THBS4: variants seen among roughly 807,000 people sequenced by gnomAD.
THBS4 encodes thrombospondin-4.
Under a neutral mutation model 115.7 loss-of-function variants are expected in THBS4, and 90 were observed. That is an observed-to-expected ratio of 0.78 (90% CI 0.66 to 0.93). THBS4 has a LOEUF of 0.93. Among genes scored for constraint, THBS4 ranks in the 40% least tolerant of loss-of-function variants. The probability of loss-of-function intolerance (pLI) is 0.00; values close to 1 mark genes in which losing one functional copy is unlikely to be tolerated. For synonymous variants in THBS4, 460 were observed against 479.3 expected (o/e 0.96, Z 0.53); for missense variants, 1,087 against 1,232.7 (o/e 0.88, Z 1.77).
intron 2 of THBS4, among the ~76,000 whole-genome samples, chr5:80,040,515 T>C (rs1832866208): frequency 6.6e-6 from 1 of 152,186 alleles, no homozygotes; most frequent in Admixed American, 6.5e-5. Flanking sequence ...GTGACCAAGA[T>C]GCTTTTTGAC....
chr5:80,004,886 C>G (rs1333291667), intron 2 of THBS4, among the ~76,000 whole-genome samples: 1 of 151,936 alleles, frequency 6.6e-6, no homozygotes, highest in African/African-American at 2.4e-5. Flanking sequence ...TACAGGCACC[C>G]ACCACCACAC....
At chr5:80,080,101 A>C in intron 20 of THBS4, 24 bp downstream of exon 20, 1 of 1,605,858 alleles carries the variant, frequency 6.2e-7, no homozygotes, top group Non-Finnish European at 8.5e-7. Flanking sequence ...CCATCTCCTT[A>C]CCTTGCTCTA....
intron 2 of THBS4, among the ~76,000 whole-genome samples, chr5:80,024,182 C>G (rs1366900258): frequency 6.6e-6 from 1 of 152,180 alleles, no homozygotes; most frequent in African/African-American, 2.4e-5. Context: ...AAACAGGTCC[C>G]ATTAGCATCT....
chr5:80,071,233 A>G (rs1165196079), intron 13 of THBS4, 53 bp downstream of exon 13: 1 of 1,534,106 alleles, frequency 6.5e-7, no homozygotes, highest in African/African-American at 1.4e-5. Context: ...ACCTTGTTCC[A>G]TTGTTCTCTG....
At chr5:79,995,942 C>T (rs1831782963) in intron 1 of THBS4, among the ~76,000 whole-genome samples, 1 of 150,168 alleles carries the variant, frequency 6.7e-6, no homozygotes, top group Non-Finnish European at 1.5e-5. Context: ...CCAGACCAGC[C>T]TGGCCAACAT....
intron 19 of THBS4, 80 bp from the exon 20 acceptor site, chr5:80,079,812 ATGACTATAACCTG>A (rs1223684568): frequency 1.2e-5 from 16 of 1,349,882 alleles, no homozygotes; most frequent in African/African-American, 2.9e-5. Context: ...GATTATAACC[ATGACTATAACCTG>A]GATCATCACT....
chr5:80,057,569 A>G (rs1833472556), intron 3 of THBS4, among the ~76,000 whole-genome samples: 1 of 152,248 alleles, frequency 6.6e-6, no homozygotes, highest in Non-Finnish European at 1.5e-5. Context: ...GCTCATTTCT[A>G]AAATAAGGAT....
chr5:80,078,829 C>A, intron 17 of THBS4, 92 bp from the exon 18 acceptor site: 1 of 1,166,904 alleles, frequency 8.6e-7, no homozygotes. Context: ...CATCACTGGC[C>A]ACTCACTCAT....
intron 21 of THBS4, 42 bp from the exon 22 acceptor site, chr5:80,083,038 G>A (rs757748386): frequency 1.3e-6 from 2 of 1,587,830 alleles, no homozygotes; most frequent in Middle Eastern, 1.7e-4. Flanking sequence ...GTCCGGGGTG[G>A]AAGGAGCCTC....
chr5:79,996,478 G>C (rs1379471283), intron 1 of THBS4, among the ~76,000 whole-genome samples: 1 of 152,152 alleles, frequency 6.6e-6, no homozygotes, highest in African/African-American at 2.4e-5. Flanking sequence ...GGTACCCTAG[G>C]AGTTGCCCCA....
chr5:80,076,894 C>T lies in THBS4; in HGVS notation c.1932C>T (p.Pro644=). ...DGHQDSTDNC[P]TVINSAQLDT... The stretch of plus-strand genomic sequence containing the variant: ...ACCAGGACAGCACAGACAACTGCCC[C>T]ACCGTCATTAACAGTGCCCAGCTGG... Residue 644 remains proline (P), a synonymous_variant, in exon 16 of 22, where the codon CCC becomes CCT. Coordinates refer to ENST00000350881, the MANE Select transcript of THBS4 (RefSeq NM_003248.6). The T allele has an allele frequency of 6.2e-7, 1 of 1,610,028 alleles. No homozygotes were observed. The highest frequency in any genetic ancestry group is 8.5e-7 in the Non-Finnish European group (1 of 1,177,712).
At chr5:80,027,787 A>T (rs1272394826) in intron 2 of THBS4, among the ~76,000 whole-genome samples, 4 of 149,262 alleles carry the variant, frequency 2.7e-5, no homozygotes, top group Non-Finnish European at 5.9e-5. Flanking sequence ...AATCCCAGCT[A>T]CTTGGGAGGC....
chr5:80,077,146 C>G, intron 16 of THBS4, 98 bp downstream of exon 16: 1 of 1,175,892 alleles, frequency 8.5e-7, no homozygotes, highest in Non-Finnish European at 1.2e-6. Flanking sequence ...TCAGAATATC[C>G]CCAGCTCCCA....
At position 80,079,967 on chromosome 5, in the gene THBS4, C is replaced by T; in HGVS notation, c.2574C>T (p.Asp858=). Residue 858 remains aspartate, a synonymous_variant, in exon 20 of 22, where the codon GAC becomes GAT. Coordinates refer to ENST00000350881, the MANE Select transcript of THBS4 (RefSeq NM_003248.6). The part of the protein sequence containing the change: ...HLRNSLWHTG[D]TSDQVRLLWK... ...GGAACTCCCTGTGGCACACGGGGGA[C>T]ACCAGTGACCAGGTCAGGCTGCTGT... 2.5e-6 allele frequency: 4 copies of T among 1,614,094 alleles called. No homozygotes were observed. Among genetic ancestry groups the T allele is most frequent in the Non-Finnish European group, 2.5e-6 (3 of 1,180,018 alleles).
chr5:80,071,236 G>A, intron 13 of THBS4, 56 bp downstream of exon 13: 2 of 1,530,422 alleles, frequency 1.3e-6, no homozygotes, highest in Non-Finnish European at 1.7e-6. Flanking sequence ...TTGTTCCATT[G>A]TTCTCTGAGA....
upstream of THBS4, among the ~76,000 whole-genome samples, chr5:80,032,213 T>C (rs1014283300): frequency 1.3e-5 from 2 of 152,218 alleles, no homozygotes; most frequent in African/African-American, 4.8e-5. Flanking sequence ...TCAAATTTAC[T>C]GTAGACCTGA....
intron 1 of THBS4, among the ~76,000 whole-genome samples, chr5:80,036,866 A>G (rs1832734669): frequency 6.6e-6 from 1 of 152,194 alleles, no homozygotes; most frequent in South Asian, 2.1e-4. Flanking sequence ...AAGACTGCCT[A>G]TGAGGGCGTT....
chr5:80,066,477 T>A lies in THBS4; in HGVS notation c.1194+1000T>A, dbSNP rs542129719. ...CATTAAGTCCAGGCATGGTGGAGCATGCCTATAGTCCCAGCTCCTCAGGAG... is the reference window on the plus strand; with the variant it reads ...CATTAAGTCCAGGCATGGTGGAGCAAGCCTATAGTCCCAGCTCCTCAGGAG... On this transcript the variant is annotated intron_variant, in intron 9 of 21. Transcript: ENST00000350881. 8.5e-5 allele frequency: 13 copies of A among 152,322 alleles called. No individual in the cohort carries two copies. The East Asian group carries it at 2.5e-3, about 29-fold the overall frequency. 9.4% of individuals were successfully genotyped at this position (152,322 alleles called of 1,614,324 possible). A position where few individuals can be genotyped will look rare whatever the true frequency, so the allele number is the denominator to read the frequency against.
chr5:80,066,266 G>C (rs1388995862), intron 9 of THBS4: 1 of 152,158 alleles, frequency 6.6e-6, no homozygotes, highest in African/African-American at 2.4e-5. Flanking sequence ...ATCAAGAAAA[G>C]AACTACTGAT....
Sources: gnomAD v4.1 joint callset for allele counts (sites outside exome capture counted in the v4.1 genomes callset) on GRCh38, gnomAD v4.1.1 for gene constraint, MANE v1.5 for transcripts, NCBI Gene and HGNC (gene_info 2026-07-23, HGNC 2026-07-21) for gene names.